Variants in CDH8 observed in about 807,000 individuals in gnomAD.
CDH8 encodes the protein cadherin 8.
In CDH8, 17 loss-of-function variants were observed where a neutral mutation model predicts 68.1. The observed-to-expected ratio is 0.25, with a 90% CI of 0.17 to 0.37. CDH8 has a LOEUF of 0.37. CDH8 is among the 10% of genes least tolerant of loss of function. The pLI, the probability that CDH8 is intolerant of heterozygous loss-of-function variation, is 1.00. For missense variants in CDH8, 763 were observed against 999.3 expected (o/e 0.76, Z 3.19); for synonymous variants, 372 against 365.1 (o/e 1.02, Z -0.21).
intron 2 of CDH8, among the ~76,000 whole-genome samples, chr16:61,992,050 T>TTGTG (rs11271459): frequency 2.3e-3 from 332 of 144,426 alleles, no homozygotes; most frequent in African/African-American, 7.4e-3. Context: ...TGCTAAATCT[T>TTGTG]TGTGTGTGTG....
intron 10 of CDH8, among the ~76,000 whole-genome samples, chr16:61,685,044 T>C (rs914674598): frequency 1.3e-5 from 2 of 151,972 alleles, no homozygotes; most frequent in Non-Finnish European, 2.9e-5. Flanking sequence ...TTTGTCACCA[T>C]TGTTTTGTAT....
intron 4 of CDH8, among the ~76,000 whole-genome samples, chr16:61,841,215 T>C (rs1962676496): frequency 6.6e-6 from 1 of 152,290 alleles, no homozygotes; most frequent in Non-Finnish European, 1.5e-5. Flanking sequence ...TTTTTTTGGG[T>C]ATATACCCAG....
intron 7 of CDH8, among the ~76,000 whole-genome samples, chr16:61,810,150 G>T (rs1479355576): frequency 6.6e-6 from 1 of 152,126 alleles, no homozygotes; most frequent in Non-Finnish European, 1.5e-5. Flanking sequence ...AAACCCCTTA[G>T]TTATGAATCA....
At chr16:61,752,835 G>A (rs1162829428) in intron 8 of CDH8, among the ~76,000 whole-genome samples, 2 of 152,168 alleles carry the variant, frequency 1.3e-5, no homozygotes, top group Non-Finnish European at 2.9e-5. Flanking sequence ...GCATTAAGCT[G>A]GAGGGGGAAC....
chr16:61,687,367 A>G (rs989961884), intron 10 of CDH8, among the ~76,000 whole-genome samples: 1 of 151,964 alleles, frequency 6.6e-6, no homozygotes, highest in African/African-American at 2.4e-5. Context: ...TGAGGACATA[A>G]TAATCACATA....
intron 10 of CDH8, among the ~76,000 whole-genome samples, chr16:61,655,937 A>G (rs1043483345): frequency 2.7e-5 from 4 of 146,220 alleles, no homozygotes; most frequent in African/African-American, 5.1e-5. Flanking sequence ...CAGTGGCGCT[A>G]TCTCGGCTCA....
intron 8 of CDH8, among the ~76,000 whole-genome samples, chr16:61,768,304 GTCTCTCCCTTTCTCTCTC>G (rs1960648138): frequency 2.7e-5 from 2 of 73,688 alleles, no homozygotes; most frequent in African/African-American, 5.0e-5. Context: ...CTCTCTCTGT[GTCTCTCCCTTTCTCTCTC>G]TCTCTCTCTC....
chr16:62,015,006 C>G (rs1345719532), intron 2 of CDH8, among the ~76,000 whole-genome samples: 1 of 151,592 alleles, frequency 6.6e-6, no homozygotes, highest in South Asian at 2.1e-4. Flanking sequence ...TTACATATAC[C>G]CCCCCACCAC....
chr16:61,874,659 G>A (rs1011146741), intron 3 of CDH8, among the ~76,000 whole-genome samples: 1 of 152,094 alleles, frequency 6.6e-6, no homozygotes, highest in Non-Finnish European at 1.5e-5. Context: ...TCTGTATTCA[G>A]TAAATACTTT....
At chr16:61,731,610 T>C (rs1469298902) in intron 8 of CDH8, among the ~76,000 whole-genome samples, 1 of 151,768 alleles carries the variant, frequency 6.6e-6, no homozygotes, top group Admixed American at 6.6e-5. Context: ...ACTAAAACAA[T>C]TCAGCAAGTC....
chr16:61,695,163 G>A (rs1022515718), intron 10 of CDH8, among the ~76,000 whole-genome samples: 1 of 151,876 alleles, frequency 6.6e-6, no homozygotes, highest in African/African-American at 2.4e-5. Context: ...GAGTCCGAGA[G>A]GGGAAACCAT....
At chr16:61,709,432 T>G (rs1028466274) in intron 10 of CDH8, among the ~76,000 whole-genome samples, 2 of 152,090 alleles carry the variant, frequency 1.3e-5, no homozygotes, top group African/African-American at 4.8e-5. Context: ...GAGCATTAGC[T>G]CTGGCTGGCA....
chr16:61,986,774 C>T (rs1355284923), intron 2 of CDH8, among the ~76,000 whole-genome samples: 1 of 152,192 alleles, frequency 6.6e-6, no homozygotes, highest in African/African-American at 2.4e-5. Context: ...TGTGAAACAG[C>T]TTTCAAACAC....
At chr16:61,826,883 C>CAAA (rs936173758) in intron 4 of CDH8, among the ~76,000 whole-genome samples, 3 of 151,744 alleles carry the variant, frequency 2.0e-5, no homozygotes, top group Admixed American at 6.6e-5. Context: ...GATAACCTTG[C>CAAA]TTATTTGGAA....
At chr16:61,891,347 T>G (rs1306061300) in intron 3 of CDH8, among the ~76,000 whole-genome samples, 1 of 143,904 alleles carries the variant, frequency 6.9e-6, no homozygotes, top group South Asian at 2.1e-4. Context: ...ACCTTGTTCA[T>G]ATTGTCATCA....
chr16:61,937,211 T>C (rs1014771882), intron 2 of CDH8, among the ~76,000 whole-genome samples: 1 of 152,180 alleles, frequency 6.6e-6, no homozygotes, highest in East Asian at 1.9e-4. Context: ...AGTATACTTA[T>C]ACATTTGAAA....
chr16:61,803,235 G>A (rs954955643), intron 7 of CDH8, among the ~76,000 whole-genome samples: 8 of 120,728 alleles, frequency 6.6e-5, no homozygotes, highest in Non-Finnish European at 1.2e-4. Context: ...AAGTGAAGGA[G>A]AAATAAAATA....
chr16:61,898,672 G>T (rs1963912800), intron 3 of CDH8, among the ~76,000 whole-genome samples: 1 of 152,180 alleles, frequency 6.6e-6, no homozygotes, highest in African/African-American at 2.4e-5. Context: ...ATTAAGATAT[G>T]ATTTTGGAGA....
chr16:61,893,418 G>A (rs959237727), intron 3 of CDH8, among the ~76,000 whole-genome samples: 3 of 124,800 alleles, frequency 2.4e-5, no homozygotes, highest in Admixed American at 2.3e-4. Flanking sequence ...GTGTGTGAGT[G>A]TGTGTGTGTG....
Sources: allele counts gnomAD v4.1 joint callset (sites outside exome capture counted in the v4.1 genomes callset), GRCh38; gene constraint gnomAD v4.1.1; transcripts MANE v1.5; gene names NCBI Gene and HGNC (gene_info 2026-07-23, HGNC 2026-07-21).